The following PRRC2B variants were observed in gnomAD, a reference collection of about 807,000 sequenced individuals.
PRRC2B encodes protein PRRC2B.
A neutral mutation model predicts 242.3 loss-of-function variants in PRRC2B; 68 were observed. The observed-to-expected ratio is 0.28, with a 90% CI of 0.23 to 0.34. The LOEUF is 0.34. Ranked by LOEUF, PRRC2B falls within the 10% of genes least tolerant of loss-of-function variation. The probability of loss-of-function intolerance (pLI) is 1.00; values close to 1 mark genes in which losing one functional copy is unlikely to be tolerated. For missense variants in PRRC2B, 2,835 were observed against 2,954.8 expected (o/e 0.96, Z 0.94); for synonymous variants, 1,228 against 1,173.6 (o/e 1.05, Z -0.95).
At chr9:131,479,074 T>TG (rs1333483259) in intron 18 of PRRC2B, among the ~76,000 whole-genome samples, 178 bp from the exon 19 acceptor site, 1 of 152,028 alleles carries the variant, frequency 6.6e-6, no homozygotes, top group Non-Finnish European at 1.5e-5. Context: ...AGGTCTTTCT[T>TG]GGGGGGTGCT....
rs1374322220 is a variant in PRRC2B at position 131,482,704 on chromosome 9, A to T, written c.5176-6A>T. On this transcript the variant is annotated splice_polypyrimidine_tract_variant and splice_region_variant and intron_variant, in intron 21 of 31. Transcript: ENST00000683519. The surrounding 1 kb of genome is among the most constrained non-coding windows in gnomAD (Gnocchi z 5.2). ...TGTGTCTCCACCTCTCTGCTTTTTTATCAAGGATTCAGAACAAGGCTCTGG... is the reference window on the plus strand; with the variant it reads ...TGTGTCTCCACCTCTCTGCTTTTTTTTCAAGGATTCAGAACAAGGCTCTGG... 1.9e-6 allele frequency: 3 copies of T among 1,558,370 alleles called. No individual in the cohort carries two copies. The highest frequency in any genetic ancestry group is 2.6e-6 in the Non-Finnish European group (3 of 1,154,000).
intron 2 of PRRC2B, among the ~76,000 whole-genome samples, chr9:131,430,818 C>A (rs966683072): frequency 6.6e-6 from 1 of 151,486 alleles, no homozygotes; most frequent in South Asian, 2.1e-4. Flanking sequence ...GTCTCAAACT[C>A]GTGACCTCAG....
chr9:131,469,466 CTCTGTGG>C (rs1943481588), intron 13 of PRRC2B, among the ~76,000 whole-genome samples: 1 of 152,216 alleles, frequency 6.6e-6, no homozygotes, highest in African/African-American at 2.4e-5. Flanking sequence ...CCACAGCCTT[CTCTGTGG>C]ACTGGGAGAG....
intron 12 of PRRC2B, among the ~76,000 whole-genome samples, chr9:131,466,797 TTC>T (rs1409453120): frequency 6.6e-6 from 1 of 151,842 alleles, no homozygotes; most frequent in African/African-American, 2.4e-5. Flanking sequence ...TTTTTGTACT[TTC>T]TTTTTTTCTT....
In PRRC2B at chr9:131,482,534, A is replaced by G; in HGVS notation, c.5147A>G (p.Glu1716Gly). Residue 1716 changes from glutamate to glycine, a missense_variant, in exon 21 of 32, where the codon GAG becomes GGG. By Grantham distance (98) the Glu-to-Gly change is moderately conservative. Around this residue, in one of 7 missense-constraint regions of PRRC2B, gnomAD observed 51 missense variants for 45.1 expected, o/e 1.13. Coordinates refer to ENST00000683519, the MANE Select transcript of PRRC2B (RefSeq NM_013318.4). This position sits in a 1 kb window ranked among gnomAD's most constrained non-coding sequence, Gnocchi z 5.2. ...GAACCCAAGGCCGACAGCCACAAGG[A>G]GCAGGCTCCAAAGCCATCTGAGCAG... ...LAEPKADSHK[E>G]QAPKPSEQKD... The G allele has an allele frequency of 6.2e-7, 1 of 1,608,062 alleles. No individual in the cohort carries two copies. The highest frequency in any genetic ancestry group is 2.2e-5 in the East Asian group (1 of 44,722).
intron 1 of PRRC2B, among the ~76,000 whole-genome samples, chr9:131,375,229 C>T (rs995979744): frequency 2.0e-5 from 3 of 152,014 alleles, no homozygotes; most frequent in African/African-American, 4.8e-5. Flanking sequence ...AGTGAAACCC[C>T]GTCTCTACTA....
chr9:131,474,186 C>T (rs1943622010), intron 15 of PRRC2B, among the ~76,000 whole-genome samples: 1 of 152,178 alleles, frequency 6.6e-6, no homozygotes, highest in Admixed American at 6.5e-5. Context: ...AGCCTGCGGC[C>T]ACGACAGTCT....
chr9:131,400,022 C>T (rs547750184), intron 1 of PRRC2B, among the ~76,000 whole-genome samples: 4 of 152,104 alleles, frequency 2.6e-5, no homozygotes, highest in African/African-American at 9.7e-5. Context: ...TGGACAGGAT[C>T]GGTTGTCTCC....
At chr9:131,415,206 G>A (rs961370657) in intron 1 of PRRC2B, among the ~76,000 whole-genome samples, 1 of 151,846 alleles carries the variant, frequency 6.6e-6, no homozygotes, top group African/African-American at 2.4e-5. Context: ...TGTTGGTCAG[G>A]CTGGTCTTGA....
intron 1 of PRRC2B, among the ~76,000 whole-genome samples, chr9:131,379,043 T>C (rs989441042): frequency 1.3e-5 from 2 of 152,128 alleles, no homozygotes; most frequent in African/African-American, 4.8e-5. Context: ...ATTTTTGCAA[T>C]CTAAGGCAGG....
At chr9:131,429,177 C>T (rs1249128787) in intron 1 of PRRC2B, among the ~76,000 whole-genome samples, 3 of 152,152 alleles carry the variant, frequency 2.0e-5, no homozygotes, top group Non-Finnish European at 4.4e-5. Flanking sequence ...GAACTCCTGA[C>T]CTTAAGTGAT....
chr9:131,470,959 T>G lies in PRRC2B; in HGVS notation c.2083T>G (p.Tyr695Asp). The change falls in exon 14 of 32, where the codon TAC (tyrosine) becomes GAC (aspartate). Residue 695 changes from tyrosine (Y) to aspartate (D), a missense_variant. By Grantham distance (160) the Tyr-to-Asp change is radical. Around this residue, in one of 7 missense-constraint regions of PRRC2B, gnomAD observed 1,536 missense variants for 1,483.1 expected, o/e 1.04. Transcript: ENST00000683519. ...ITPTRTPVDF[Y>D]PSALHPSGLM... Reference sequence around the variant, plus strand: ...GCCCACTCGGACCCCGGTGGACTTCTACCCCTCCGCCCTGCATCCCTCAGG... The same window carrying G: ...GCCCACTCGGACCCCGGTGGACTTCGACCCCTCCGCCCTGCATCCCTCAGG... 1 of 1,612,126 alleles carries G rather than the reference T, an allele frequency of 6.2e-7. No individual in the cohort carries two copies.
In PRRC2B at chr9:131,410,369, G is replaced by A. The variant is rs1837474638; in HGVS notation, c.-52+16106G>A. ...TGCCAGCGCCAGTTCACACCCCACC[G>A]CAGGCCAGGCCTGCACTTCACATTC... On this transcript the variant is annotated intron_variant, in intron 1 of 31. Transcript: ENST00000683519. Among the ~76,000 whole-genome samples, 3 of 152,214 alleles carry A rather than the reference G, an allele frequency of 2.0e-5. 1 individual carries two copies. The highest frequency in any genetic ancestry group is 4.4e-5 in the Non-Finnish European group (3 of 68,036).
chr9:131,388,840 CT>C (rs1315362492), intron 1 of PRRC2B, among the ~76,000 whole-genome samples: 1,238 of 121,088 alleles, frequency 0.01, 13 homozygotes, highest in African/African-American at 0.017. Flanking sequence ...CTCCTTTTAC[CT>C]TTTTTTTTTT....
Position 131,495,800 on chromosome 9 carries a change from T to TCGGCTGCCTCCCAGATGAAGCGAAC in PRRC2B, c.6620_6644dup (p.Ala2216CysfsTer21), listed in dbSNP as rs1382046628. The TCGGCTGCCTCCCAGATGAAGCGAAC allele has an allele frequency of 1.2e-6, 2 of 1,612,950 alleles. No homozygotes were observed. Among genetic ancestry groups the TCGGCTGCCTCCCAGATGAAGCGAAC allele is most frequent in the Non-Finnish European group, 1.7e-6 (2 of 1,179,072 alleles). Reference sequence around the variant, plus strand: ...AGCCGTGAAGCTGCAGGAGGCCCCCTCGGCTGCCTCCCAGATGAAGCGAAC... The same window carrying TCGGCTGCCTCCCAGATGAAGCGAAC: ...AGCCGTGAAGCTGCAGGAGGCCCCCTCGGCTGCCTCCCAGATGAAGCGAACCGGCTGCCTCCCAGATGAAGCGAAC... On this transcript the variant is annotated frameshift_variant, in exon 32 of 32. Coordinates refer to ENST00000683519, the MANE Select transcript of PRRC2B (RefSeq NM_013318.4). LOFTEE classifies it high-confidence loss of function.
In PRRC2B at chr9:131,497,877, A is replaced by G. The variant is rs1347489309; in HGVS notation, c.*2003A>G. On this transcript the variant is annotated 3_prime_UTR_variant, in exon 32 of 32. Transcript: ENST00000683519. ...GTCTGCTTTTCCTTCTCCCACTGCA[A>G]GCGGCTGCTTGTGGGGCCTGGGATG... 2.0e-5 allele frequency: 3 copies of G among 152,214 alleles called. No homozygotes were observed. Among genetic ancestry groups the G allele is most frequent in the African/African-American group, 7.2e-5 (3 of 41,382 alleles). The allele number at this position is 152,214 out of a possible 1,614,324, so 9.4% of individuals were successfully genotyped here.
At chr9:131,481,839 C>T (rs373272151) in intron 20 of PRRC2B, 31 bp downstream of exon 20, 1 of 1,532,072 alleles carries the variant, frequency 6.5e-7, no homozygotes. Context: ...CATGCTGCCC[C>T]TGGGATGAGT....
At chr9:131,457,367 G>A (rs1284807676) in intron 10 of PRRC2B, among the ~76,000 whole-genome samples, 2 of 152,190 alleles carry the variant, frequency 1.3e-5, no homozygotes, top group East Asian at 1.9e-4. Flanking sequence ...TCTTTGAGGC[G>A]ATGGGAACTG....
intron 16 of PRRC2B, among the ~76,000 whole-genome samples, chr9:131,477,249 C>T (rs1394630933): frequency 6.6e-6 from 1 of 152,178 alleles, no homozygotes; most frequent in African/African-American, 2.4e-5. Flanking sequence ...AAGATGGCTT[C>T]ACACCTCCAC....
Sources: allele counts gnomAD v4.1 joint callset (sites outside exome capture counted in the v4.1 genomes callset), GRCh38; gene constraint gnomAD v4.1.1; regional missense constraint gnomAD v4.1.1; non-coding constraint Gnocchi (gnomAD v3.1); transcripts MANE v1.5; gene names NCBI Gene and HGNC (gene_info 2026-07-23, HGNC 2026-07-21).